CTBP1: variants seen among roughly 807,000 people sequenced by gnomAD.
The protein encoded by CTBP1 is C-terminal-binding protein 1.
A neutral mutation model predicts 42.1 loss-of-function variants in CTBP1; 11 were observed. The observed-to-expected ratio is 0.26, with a 90% CI of 0.16 to 0.43. The LOEUF is 0.43. CTBP1 is among the 20% of genes least tolerant of loss of function. The pLI, the probability that CTBP1 is intolerant of heterozygous loss-of-function variation, is 1.00. For synonymous variants in CTBP1, 324 were observed against 277.1 expected, an observed-to-expected ratio of 1.17 and a Z score of -1.68; for missense variants, 399 against 624.3, an observed-to-expected ratio of 0.64 and a Z score of 3.85.
At chr4:1,212,745 G>A (rs1025420715) in intron 9 of CTBP1, 168 bp downstream of exon 9, 3 of 650,636 alleles carry the variant, frequency 4.6e-6, no homozygotes, top group Admixed American at 2.8e-5. Flanking sequence ...CCTTCCAAGA[G>A]GCCCTGGTTC....
rs908143571 is a variant in CTBP1 at position 1,233,942 on chromosome 4, G to A, written c.162+4241C>T. On this transcript the variant is annotated intron_variant, in intron 3 of 9. Transcript: ENST00000382952. The surrounding 1 kb of genome is among the most constrained non-coding windows in gnomAD (Gnocchi z 4.6). ...GCCCCGCTGCCCTCTCCACAGCCAC[G>A]AGGGTCCCTGCCTCCTGCCTTGTTG... Among the ~76,000 whole-genome samples the A allele has an allele frequency of 2.0e-4, 30 of 152,318 alleles. No homozygotes were observed. The highest frequency in any genetic ancestry group is 3.8e-4 in the Non-Finnish European group (26 of 68,018).
Position 1,238,030 on chromosome 4 carries a change from T to A in CTBP1, c.162+153A>T, listed in dbSNP as rs1183164425. On this transcript the variant is annotated intron_variant, in intron 3 of 9. Coordinates refer to ENST00000382952, the MANE Select transcript of CTBP1 (RefSeq NM_001012614.2). This position sits in a 1 kb window ranked among gnomAD's most constrained non-coding sequence, Gnocchi z 5.9. ...GATGGTGTCCAGGGAAAACCCCGTG[T>A]CCACCTCCTGACGGCGCGGGACGAC... 5 of 1,011,580 alleles carry A rather than the reference T, an allele frequency of 4.9e-6. No homozygotes were observed. The African/African-American group carries it at 7.9e-5, about 16-fold the overall frequency. 62.7% of individuals were successfully genotyped at this position (1,011,580 alleles called of 1,614,324 possible).
At chr4:1,230,264 G>C (rs77795178) in intron 3 of CTBP1, among the ~76,000 whole-genome samples, 1 of 152,190 alleles carries the variant, frequency 6.6e-6, no homozygotes. Context: ...GCCAGCAGTG[G>C]GCGACTGGTG....
At chr4:1,248,815 G>A (rs1733051046) in intron 1 of CTBP1, 101 bp downstream of exon 1, 4 of 923,576 alleles carry the variant, frequency 4.3e-6, no homozygotes, top group South Asian at 9.9e-5. Flanking sequence ...CCGGCGGCCC[G>A]CGGGCGCGCG....
chr4:1,229,703 C>T (rs1730760616), intron 3 of CTBP1, among the ~76,000 whole-genome samples: 2 of 152,202 alleles, frequency 1.3e-5, no homozygotes, highest in Admixed American at 6.5e-5. Context: ...GGCAGGCATA[C>T]GTGGGCAGGG....
chr4:1,229,681 C>A (rs1307069604), intron 3 of CTBP1, among the ~76,000 whole-genome samples: 1 of 152,224 alleles, frequency 6.6e-6, no homozygotes, highest in Non-Finnish European at 1.5e-5. Context: ...CTGGGCAGAG[C>A]AGCTGGTGTT....
In CTBP1 at chr4:1,224,434, G is replaced by T. The variant is rs935806687; in HGVS notation, c.514+926C>A. Among the ~76,000 whole-genome samples, 3 of 151,626 alleles carry T rather than the reference G, an allele frequency of 2.0e-5. No homozygotes were observed. In the South Asian group the frequency reaches 6.3e-4, roughly 32 times the overall value. On this transcript the variant is annotated intron_variant, in intron 5 of 9. Coordinates refer to ENST00000382952, the MANE Select transcript of CTBP1 (RefSeq NM_001012614.2). ...TGCTGTGTGAGGCTGTGTGTACTGT[G>T]ACATCTGTGTGTTATCTGTGCGTGC...
rs748203299 is a variant in CTBP1, at chr4:1,238,140, C to CA, written c.162+42dup. The stretch of plus-strand genomic sequence containing the variant: ...GTGCTCCCGTCCCTCCAACTCCCCC[C>CA]AACGTGCGGTTCTGCCAGCCCCAGG... On this transcript the variant is annotated intron_variant, in intron 3 of 9. Transcript: ENST00000382952. The surrounding 1 kb of genome is among the most constrained non-coding windows in gnomAD (Gnocchi z 5.9). 8.7e-6 allele frequency: 14 copies of CA among 1,611,960 alleles called. No homozygotes were observed. The highest frequency in any genetic ancestry group is 1.2e-5 in the Non-Finnish European group (14 of 1,179,476).
At position 1,249,037 on chromosome 4, in the gene CTBP1, GCCGTCCGCTGCT is replaced by G; in HGVS notation, c.-322_-311del. Reference sequence around the variant, plus strand: ...GCCCGGCGCGTGGGGCGGCCTCGGCGCCGTCCGCTGCTCCGCCCGCCCGCCTGCGCCTGGCCG... The same window carrying G: ...GCCCGGCGCGTGGGGCGGCCTCGGCGCCGCCCGCCCGCCTGCGCCTGGCCG... On this transcript the variant is annotated 5_prime_UTR_variant, in exon 1 of 10. Coordinates refer to ENST00000382952, the MANE Select transcript of CTBP1 (RefSeq NM_001012614.2). The G allele has an allele frequency of 1.6e-6, 1 of 613,922 alleles. No individual in the cohort carries two copies. The highest frequency in any genetic ancestry group is 2.0e-6 in the Non-Finnish European group (1 of 493,680). The allele number at this position is 613,922 out of a possible 1,614,324, so 38.0% of individuals were successfully genotyped here. A position where few individuals can be genotyped will look rare whatever the true frequency, so the allele number is the denominator to read the frequency against.
intron 3 of CTBP1, chr4:1,236,076 C>G (rs910499532): frequency 6.5e-6 from 1 of 153,826 alleles, no homozygotes; most frequent in African/African-American, 2.4e-5. Context: ...CCAAATTCAG[C>G]CTCTCAGCTA....
At chr4:1,248,715 G>A (rs1000819786) in intron 1 of CTBP1, 7 of 981,858 alleles carry the variant, frequency 7.1e-6, no homozygotes, top group Admixed American at 6.2e-5. Context: ...ACACGCAGCG[G>A]CCCGCGCATG....
At chr4:1,244,104 C>G in intron 1 of CTBP1, 1 of 985,342 alleles carries the variant, frequency 1.0e-6, no homozygotes, top group Non-Finnish European at 1.2e-6. Flanking sequence ...GGGGGCTGCA[C>G]GGTGGCGGCC....
chr4:1,222,259 C>A (rs1729824711), intron 5 of CTBP1, among the ~76,000 whole-genome samples: 1 of 151,972 alleles, frequency 6.6e-6, no homozygotes, highest in Non-Finnish European at 1.5e-5. Context: ...GCCAGGTGGG[C>A]AGCCGGGGTG....
chr4:1,236,278 A>G (rs1307862732), intron 3 of CTBP1: 3 of 259,664 alleles, frequency 1.2e-5, no homozygotes, highest in Non-Finnish European at 2.2e-5. Context: ...TAGAAGCCAG[A>G]CCAACCTAGT....
At chr4:1,221,110 A>T (rs1729688924) in intron 5 of CTBP1, among the ~76,000 whole-genome samples, 1 of 152,264 alleles carries the variant, frequency 6.6e-6, no homozygotes, top group Non-Finnish European at 1.5e-5. Flanking sequence ...TGTCGATCTG[A>T]CAAGAACCTG....
At chr4:1,215,081 A>AG (rs1416991765) in intron 6 of CTBP1, among the ~76,000 whole-genome samples, 1 of 152,152 alleles carries the variant, frequency 6.6e-6, no homozygotes, top group Non-Finnish European at 1.5e-5. Context: ...ACAGCTGGGC[A>AG]GGTCACGGTG....
chr4:1,228,992 C>T (rs1343371650), intron 3 of CTBP1, among the ~76,000 whole-genome samples: 2 of 152,252 alleles, frequency 1.3e-5, no homozygotes, highest in Non-Finnish European at 2.9e-5. Context: ...ACAACAGTCA[C>T]GTTTTTAATT....
chr4:1,244,115 C>T (rs919271022), intron 1 of CTBP1: 30 of 985,352 alleles, frequency 3.0e-5, no homozygotes, highest in Middle Eastern at 1.0e-3. Flanking sequence ...GGTGGCGGCC[C>T]GATGACCCCA....
At chr4:1,239,579 C>T (rs529387519) in intron 2 of CTBP1, among the ~76,000 whole-genome samples, 1 of 152,220 alleles carries the variant, frequency 6.6e-6, no homozygotes. Context: ...AGGGAAGTGC[C>T]TCCTGGAACC....
Sources: allele counts gnomAD v4.1 joint callset (sites outside exome capture counted in the v4.1 genomes callset), GRCh38; gene constraint gnomAD v4.1.1; non-coding constraint Gnocchi (gnomAD v3.1); transcripts MANE v1.5; gene names NCBI Gene and HGNC (gene_info 2026-07-23, HGNC 2026-07-21).